Variants in CDKAL1 observed in about 807,000 individuals in gnomAD.
CDKAL1 encodes threonylcarbamoyladenosine tRNA methylthiotransferase.
CDKAL1 carries 32 observed loss-of-function variants against 68.2 expected under a neutral mutation model. That is an observed-to-expected ratio of 0.47 (90% CI 0.35 to 0.63). The LOEUF is 0.63. Among genes scored for constraint, CDKAL1 ranks in the 30% least tolerant of loss-of-function variants. The pLI is 0.00. For synonymous variants in CDKAL1, 234 were observed against 244.3 expected, an observed-to-expected ratio of 0.96 and a Z score of 0.39; for missense variants, 606 against 696.7, an observed-to-expected ratio of 0.87 and a Z score of 1.47.
At chr6:20,560,161 A>G (rs1344241479) in intron 4 of CDKAL1, among the ~76,000 whole-genome samples, 2 of 152,238 alleles carry the variant, frequency 1.3e-5, no homozygotes, top group Non-Finnish European at 2.9e-5. Context: ...ACTATTATAA[A>G]TGAAAGTGAA....
At chr6:20,613,049 G>T (rs1561966460) in intron 4 of CDKAL1, among the ~76,000 whole-genome samples, 2 of 124,872 alleles carry the variant, frequency 1.6e-5, no homozygotes, top group Non-Finnish European at 3.5e-5. Flanking sequence ...ACACACAAAG[G>T]GTATGGATTT....
At chr6:20,652,258 T>C (rs1273957148) in intron 5 of CDKAL1, among the ~76,000 whole-genome samples, 2 of 152,228 alleles carry the variant, frequency 1.3e-5, no homozygotes, top group Admixed American at 6.5e-5. Flanking sequence ...GTGTTAACTA[T>C]GTGTTCTTCT....
intron 9 of CDKAL1, among the ~76,000 whole-genome samples, chr6:20,857,105 C>T (rs1282336963): frequency 2.6e-5 from 4 of 152,080 alleles, no homozygotes; most frequent in East Asian, 1.9e-4. Flanking sequence ...AGAGGTTATA[C>T]GTTTCTGTAT....
chr6:21,229,302 T>C (rs16884722), intron 15 of CDKAL1, among the ~76,000 whole-genome samples: 13,660 of 152,162 alleles, frequency 0.09, 1,146 homozygotes, highest in African/African-American at 0.23. Flanking sequence ...TCAAATCCTA[T>C]TGATTCTACA....
Position 20,748,668 on chromosome 6 carries a change from C to T in CDKAL1, c.468+9053C>T, listed in dbSNP as rs528114873. 9.5e-5 allele frequency among the ~76,000 whole-genome samples: 14 copies of T among 147,542 alleles called. No homozygotes were observed. The South Asian group carries it at 2.8e-3, about 30-fold the overall frequency. ...AGACGAATGGGAACAGAATAGAGAGCCTAGAGATAAAGCCAAGCATACCAA... is the reference window on the plus strand; with the variant it reads ...AGACGAATGGGAACAGAATAGAGAGTCTAGAGATAAAGCCAAGCATACCAA... On this transcript the variant is annotated intron_variant, in intron 6 of 15. Transcript: ENST00000274695.
chr6:20,838,410 G>A (rs1477287549), intron 8 of CDKAL1, among the ~76,000 whole-genome samples: 1 of 152,102 alleles, frequency 6.6e-6, no homozygotes, highest in Non-Finnish European at 1.5e-5. Flanking sequence ...AATTACAGCT[G>A]TCTCTACTGC....
At chr6:21,124,662 C>T (rs1774901196) in intron 13 of CDKAL1, among the ~76,000 whole-genome samples, 1 of 150,802 alleles carries the variant, frequency 6.6e-6, no homozygotes, top group Non-Finnish European at 1.5e-5. Flanking sequence ...ATGGCAATGG[C>T]CACAAAGAGA....
intron 4 of CDKAL1, among the ~76,000 whole-genome samples, chr6:20,584,262 C>T (rs1765253793): frequency 6.6e-6 from 1 of 151,924 alleles, no homozygotes; most frequent in Non-Finnish European, 1.5e-5. Flanking sequence ...GGGAGTCTCA[C>T]ACAGGAGTCC....
Position 20,857,729 on chromosome 6 carries a change from G to A in CDKAL1, c.742+11551G>A, listed in dbSNP as rs528987276. ...ACGTATACCAAAACATTTGATCAAA[G>A]TAGTAAAGAGGATTGGGGAAGAAAT... On this transcript the variant is annotated intron_variant, in intron 9 of 15. Coordinates refer to ENST00000274695, the MANE Select transcript of CDKAL1 (RefSeq NM_017774.3). Among the ~76,000 whole-genome samples, 3 of 152,274 alleles carry A rather than the reference G, an allele frequency of 2.0e-5. No individual in the cohort carries two copies. The South Asian group carries it at 6.2e-4, about 32-fold the overall frequency.
intron 5 of CDKAL1, among the ~76,000 whole-genome samples, chr6:20,675,406 T>C (rs1744667819): frequency 6.6e-6 from 1 of 152,214 alleles, no homozygotes; most frequent in Non-Finnish European, 1.5e-5. Flanking sequence ...CTATCTCTAA[T>C]TGGGGCAATT....
chr6:21,179,315 G>T (rs1386009794), intron 13 of CDKAL1, among the ~76,000 whole-genome samples: 1 of 152,138 alleles, frequency 6.6e-6, no homozygotes, highest in East Asian at 1.9e-4. Context: ...TCATTACAGG[G>T]TTTACTTGTT....
chr6:21,043,975 G>A (rs974577779), intron 11 of CDKAL1, among the ~76,000 whole-genome samples: 11 of 152,194 alleles, frequency 7.2e-5, no homozygotes, highest in Admixed American at 4.6e-4. Flanking sequence ...AATGTTTGCT[G>A]TAATTGGAGC....
At chr6:20,873,826 T>C (rs1481165304) in intron 9 of CDKAL1, among the ~76,000 whole-genome samples, 1 of 152,216 alleles carries the variant, frequency 6.6e-6, no homozygotes, top group Non-Finnish European at 1.5e-5. Flanking sequence ...AGAGACCAGG[T>C]TTCTCTTAAC....
At chr6:20,583,000 AG>A (rs144121728) in intron 4 of CDKAL1, among the ~76,000 whole-genome samples, 4,615 of 152,274 alleles carry the variant, frequency 0.03, 228 homozygotes, top group African/African-American at 0.1. Context: ...TCTGGTAATA[AG>A]AAAGACTTTC....
intron 11 of CDKAL1, among the ~76,000 whole-genome samples, chr6:21,019,630 G>C (rs930732156): frequency 9.9e-5 from 15 of 152,198 alleles, no homozygotes; most frequent in African/African-American, 3.6e-4. Flanking sequence ...ACTTGTAGCA[G>C]CAGCCTGTGG....
chr6:21,211,935 A>AT (rs1476039883), intron 15 of CDKAL1, among the ~76,000 whole-genome samples: 2 of 150,210 alleles, frequency 1.3e-5, no homozygotes, highest in Non-Finnish European at 3.0e-5. Flanking sequence ...TTTTTTTTTT[A>AT]TTTTTTGTAG....
intron 9 of CDKAL1, among the ~76,000 whole-genome samples, chr6:20,896,363 G>T (rs895915398): frequency 6.6e-6 from 1 of 152,090 alleles, no homozygotes; most frequent in African/African-American, 2.4e-5. Flanking sequence ...TTCCCAGAGT[G>T]CTGGGATTAC....
At chr6:20,980,895 A>G (rs1344228581) in intron 10 of CDKAL1, among the ~76,000 whole-genome samples, 1 of 152,188 alleles carries the variant, frequency 6.6e-6, no homozygotes, top group Non-Finnish European at 1.5e-5. Context: ...CTCCAGGTCT[A>G]CCTACCCTTT....
At chr6:20,990,170 G>T (rs891222657) in intron 10 of CDKAL1, among the ~76,000 whole-genome samples, 4 of 152,184 alleles carry the variant, frequency 2.6e-5, no homozygotes, top group African/African-American at 9.6e-5. Context: ...TTGAACCCAG[G>T]AGGTGGAGGT....
Sources: allele counts gnomAD v4.1 joint callset (sites outside exome capture counted in the v4.1 genomes callset), GRCh38; gene constraint gnomAD v4.1.1; transcripts MANE v1.5; gene names NCBI Gene and HGNC (gene_info 2026-07-23, HGNC 2026-07-21).